The following CCDC141 variants were observed in gnomAD, a reference collection of about 807,000 sequenced individuals.
CCDC141 encodes coiled-coil domain-containing protein 141.
In CCDC141, 168 loss-of-function variants were observed where a neutral mutation model predicts 181.0. That is an observed-to-expected ratio of 0.93 (90% confidence interval 0.82 to 1.05). The LOEUF (loss-of-function observed/expected upper bound fraction) is 1.05. Ranked by LOEUF, CCDC141 falls within the 50% of genes least tolerant of loss-of-function variation. The pLI is 0.00. For synonymous variants in CCDC141, 666 were observed against 642.3 expected (o/e 1.04, Z -0.56); for missense variants, 1,902 against 1,788.5 (o/e 1.06, Z -1.14).
intron 2 of CCDC141, among the ~76,000 whole-genome samples, chr2:179,004,251 C>G (rs2042062611): frequency 6.6e-6 from 1 of 152,094 alleles, no homozygotes; most frequent in South Asian, 2.1e-4. Flanking sequence ...TCTATGCATC[C>G]TTGGGTCATC....
In CCDC141 at chr2:178,874,088, T is replaced by C. The variant is rs374453253; in HGVS notation, c.1900-1776A>G. 4 of 152,310 alleles carry C rather than the reference T, an allele frequency of 2.6e-5. No individual in the cohort carries two copies. In the South Asian group the frequency reaches 8.3e-4, roughly 32 times the overall value. The allele number at this position is 152,310 out of a possible 1,614,324, so 9.4% of individuals were successfully genotyped here. ...AAAGAACAGAACACTCAACTGAATA[T>C]ACCAGCTGGCCTCTGCCTTCTTAGC... On this transcript the variant is annotated intron_variant, in intron 12 of 23. Transcript: ENST00000443758.
intron 2 of CCDC141, among the ~76,000 whole-genome samples, chr2:179,017,831 T>C (rs1659615990): frequency 2.0e-5 from 3 of 152,138 alleles, no homozygotes; most frequent in African/African-American, 7.2e-5. Flanking sequence ...AGACTTTGTG[T>C]TGACGATGAG....
chr2:178,939,530 C>T (rs1199880789), intron 6 of CCDC141, among the ~76,000 whole-genome samples: 3 of 151,976 alleles, frequency 2.0e-5, no homozygotes. Context: ...ACCCTCAGTC[C>T]AGTACCAGTA....
chr2:178,912,549 C>A, intron 7 of CCDC141, among the ~76,000 whole-genome samples: 1 of 152,184 alleles, frequency 6.6e-6, no homozygotes, highest in Non-Finnish European at 1.5e-5. Flanking sequence ...AGCCTGACCT[C>A]TGAGCTCTAA....
At chr2:178,878,302 T>G (rs1239937709) in intron 11 of CCDC141, among the ~76,000 whole-genome samples, 159 bp from the exon 12 acceptor site, 1 of 150,008 alleles carries the variant, frequency 6.7e-6, no homozygotes, top group Non-Finnish European at 1.5e-5. Context: ...TTTATTTATT[T>G]TATTTATTTT....
At chr2:178,950,333 GT>G (rs143334571) in intron 5 of CCDC141, among the ~76,000 whole-genome samples, 7 of 151,252 alleles carry the variant, frequency 4.6e-5, no homozygotes, top group South Asian at 4.2e-4. Flanking sequence ...AGGGCTTTGG[GT>G]TTTTTTTTCT....
At chr2:178,905,652 G>GA (rs1306739388) in intron 7 of CCDC141, among the ~76,000 whole-genome samples, 151 bp from the exon 8 acceptor site, 1 of 152,202 alleles carries the variant, frequency 6.6e-6, no homozygotes, top group Non-Finnish European at 1.5e-5. Flanking sequence ...AAGATTGTTG[G>GA]AAAACAGCTG....
Position 178,879,835 on chromosome 2 carries a change from G to A in CCDC141, c.1720-1692C>T, listed in dbSNP as rs554458746. Among the ~76,000 whole-genome samples the A allele has an allele frequency of 3.9e-5, 6 of 152,326 alleles. No individual in the cohort carries two copies. The South Asian group carries it at 1.2e-3, about 32-fold the overall frequency. On this transcript the variant is annotated intron_variant, in intron 11 of 23. Transcript: ENST00000443758. ...TGGGAGGGATAACTTGTGTAAAAGT[G>A]TGAAACACTAGCTGTGAAGACACTC...
chr2:178,969,865 T>A (rs1449359757), intron 4 of CCDC141, among the ~76,000 whole-genome samples: 1 of 152,166 alleles, frequency 6.6e-6, no homozygotes, highest in Non-Finnish European at 1.5e-5. Context: ...TGATTGTATA[T>A]TTAGAAAACC....
At chr2:179,003,810 A>G (rs1480466825) in intron 2 of CCDC141, among the ~76,000 whole-genome samples, 1 of 152,218 alleles carries the variant, frequency 6.6e-6, no homozygotes, top group Admixed American at 6.5e-5. Context: ...GAATCCAAGT[A>G]ACAATGATTT....
chr2:179,016,302 C>T (rs114197078), intron 2 of CCDC141, among the ~76,000 whole-genome samples: 1,667 of 151,956 alleles, frequency 0.011, 19 homozygotes, highest in Middle Eastern at 0.061. Context: ...AAAGAAATTA[C>T]TCATGTCACC....
intron 2 of CCDC141, among the ~76,000 whole-genome samples, chr2:179,043,328 T>TTCCAAA (rs1258677445): frequency 1.3e-5 from 2 of 152,096 alleles, no homozygotes; most frequent in African/African-American, 4.8e-5. Context: ...ACTGAAACTA[T>TTCCAAA]TCCAAAAATT....
chr2:178,987,078 C>G (rs546360772), intron 2 of CCDC141, among the ~76,000 whole-genome samples: 609 of 148,244 alleles, frequency 4.1e-3, no homozygotes, highest in African/African-American at 0.015. Flanking sequence ...TACTACAAGG[C>G]TACAGTAACC....
chr2:178,853,494 G>T lies in CCDC141; in HGVS notation c.3191C>A (p.Pro1064Gln). ...CTCCTGAATCCTTTCTTCTTGCTGCGGCACTGAGGGTGCAATAAACTTATT... is the reference window on the plus strand; with the variant it reads ...CTCCTGAATCCTTTCTTCTTGCTGCTGCACTGAGGGTGCAATAAACTTATT... The part of the protein sequence containing the change: ...QFNKFIAPSV[P>Q]QQEERIQEAT... The change falls in exon 20 of 24, where the codon CCG (proline) becomes CAG (glutamine). Residue 1064 changes from proline (P) to glutamine (Q), a missense_variant. Physicochemically the swap from Pro to Gln is moderately conservative, Grantham distance 76. Transcript: ENST00000443758. The T allele has an allele frequency of 6.2e-7, 1 of 1,614,028 alleles. No homozygotes were observed. The highest frequency in any genetic ancestry group is 1.1e-5 in the South Asian group (1 of 91,074).
intron 2 of CCDC141, among the ~76,000 whole-genome samples, chr2:178,983,503 G>C (rs1290298940): frequency 6.6e-6 from 1 of 151,092 alleles, no homozygotes; most frequent in Non-Finnish European, 1.5e-5. Context: ...GGCTTCAGAC[G>C]ATCAAATTAT....
At chr2:178,977,127 A>G (rs1365952920) in intron 3 of CCDC141, among the ~76,000 whole-genome samples, 1 of 152,088 alleles carries the variant, frequency 6.6e-6, no homozygotes, top group Non-Finnish European at 1.5e-5. Context: ...TACAAAAAAT[A>G]ATTAGTCTTT....
At position 179,000,461 on chromosome 2, in the gene CCDC141, C is replaced by T. The variant is rs192279425; in HGVS notation, c.226-21786G>A. 5.8e-4 allele frequency among the ~76,000 whole-genome samples: 88 copies of T among 152,202 alleles called. 1 individual carries two copies. Among genetic ancestry groups the T allele is most frequent in the African/African-American group, 2.0e-3 (82 of 41,540 alleles). On this transcript the variant is annotated intron_variant, in intron 2 of 23. Coordinates refer to ENST00000443758, the MANE Select transcript of CCDC141 (RefSeq NM_173648.4). The stretch of plus-strand genomic sequence containing the variant: ...TAGATAAAATATCCTAAAATATTCA[C>T]CATCTGACCCTTTTACAGAAGAGGT...
At chr2:179,018,687 T>C in intron 2 of CCDC141, among the ~76,000 whole-genome samples, 1 of 152,194 alleles carries the variant, frequency 6.6e-6, no homozygotes, top group East Asian at 1.9e-4. Flanking sequence ...TCACTTTCTT[T>C]CCACCTTCCT....
intron 2 of CCDC141, among the ~76,000 whole-genome samples, chr2:178,985,653 G>A (rs1691691735): frequency 1.3e-5 from 2 of 152,220 alleles, no homozygotes; most frequent in African/African-American, 2.4e-5. Context: ...CGATCCCACA[G>A]AAATACAAAC....
Sources: allele counts gnomAD v4.1 joint callset (sites outside exome capture counted in the v4.1 genomes callset), GRCh38; gene constraint gnomAD v4.1.1; transcripts MANE v1.5; gene names NCBI Gene and HGNC (gene_info 2026-07-23, HGNC 2026-07-21).